The following ARHGAP32 variants were observed in gnomAD, a reference collection of about 807,000 sequenced individuals.
ARHGAP32 encodes the protein rho GTPase-activating protein 32.
A neutral mutation model predicts 186.5 loss-of-function variants in ARHGAP32; 51 were observed. The observed-to-expected ratio is 0.27, with a 90% CI of 0.22 to 0.35. ARHGAP32 has a LOEUF of 0.35. ARHGAP32 is among the 10% of genes least tolerant of loss of function. The pLI, the probability that ARHGAP32 is intolerant of heterozygous loss-of-function variation, is 1.00. For missense variants in ARHGAP32, 2,186 were observed against 2,623.5 expected, an observed-to-expected ratio of 0.83 and a Z score of 3.64; for synonymous variants, 950 against 964.3, an observed-to-expected ratio of 0.99 and a Z score of 0.27.
intron 1 of ARHGAP32, among the ~76,000 whole-genome samples, chr11:129,251,701 G>GGAT (rs1489137508): frequency 2.0e-5 from 3 of 151,924 alleles, no homozygotes; most frequent in Non-Finnish European, 4.4e-5. Flanking sequence ...CGAGGTGGGG[G>GGAT]GATCACCAGA....
At chr11:129,254,565 C>G (rs1945229226) in intron 1 of ARHGAP32, among the ~76,000 whole-genome samples, 2 of 152,138 alleles carry the variant, frequency 1.3e-5, no homozygotes, top group South Asian at 4.1e-4. Context: ...TTTAAACTGT[C>G]AATATCAAGT....
chr11:129,144,939 A>G (rs1403710083), intron 2 of ARHGAP32, among the ~76,000 whole-genome samples: 7 of 152,208 alleles, frequency 4.6e-5, no homozygotes, highest in Non-Finnish European at 1.0e-4. Flanking sequence ...TAGCATAATA[A>G]TCACAACTCC....
At chr11:129,044,512 A>G (rs981371876) in intron 10 of ARHGAP32, among the ~76,000 whole-genome samples, 9 of 152,328 alleles carry the variant, frequency 5.9e-5, no homozygotes, top group African/African-American at 1.9e-4. Flanking sequence ...TAAATGGGTT[A>G]ATGCATAAGT....
chr11:129,258,125 A>G (rs1324481087), intron 1 of ARHGAP32, among the ~76,000 whole-genome samples: 1 of 152,210 alleles, frequency 6.6e-6, no homozygotes, highest in Admixed American at 6.5e-5. Flanking sequence ...TTATATGGCA[A>G]TTTTATAGCA....
In ARHGAP32 at chr11:128,978,926, G is replaced by T; in HGVS notation, c.1977-11C>A. The T allele has an allele frequency of 6.3e-7, 1 of 1,592,774 alleles. No individual in the cohort carries two copies. Among genetic ancestry groups the T allele is most frequent in the Non-Finnish European group, 8.5e-7 (1 of 1,173,664 alleles). On this transcript the variant is annotated splice_polypyrimidine_tract_variant and intron_variant, in intron 18 of 22. Transcript: ENST00000682385. ...TTTTGAGGCCTCTTTCTATGAAAGAGAAAAAATAATCAACATTAAGATAGC... is the reference window on the plus strand; with the variant it reads ...TTTTGAGGCCTCTTTCTATGAAAGATAAAAAATAATCAACATTAAGATAGC...
intron 1 of ARHGAP32, among the ~76,000 whole-genome samples, chr11:129,239,495 C>T (rs958467968): frequency 1.3e-5 from 2 of 152,148 alleles, no homozygotes; most frequent in Non-Finnish European, 2.9e-5. Flanking sequence ...ATTTTCCAAA[C>T]TAGCATTACA....
chr11:129,140,307 CA>C (rs1943024498), intron 2 of ARHGAP32, among the ~76,000 whole-genome samples: 1 of 152,140 alleles, frequency 6.6e-6, no homozygotes, highest in African/African-American at 2.4e-5. Flanking sequence ...GAACCCAGCC[CA>C]GCCAATACTT....
chr11:129,064,945 A>C lies in ARHGAP32; in HGVS notation c.670-12T>G. 6.4e-7 allele frequency: 1 copy of C among 1,571,690 alleles called. No individual in the cohort carries two copies. The highest frequency in any genetic ancestry group is 8.6e-7 in the Non-Finnish European group (1 of 1,157,264). On this transcript the variant is annotated splice_polypyrimidine_tract_variant and intron_variant, in intron 7 of 22. Transcript: ENST00000682385. The stretch of plus-strand genomic sequence containing the variant: ...ATCTGAGTGACCGACTGAAAAGAAA[A>C]AGATCAGTGTAACTCTGAGTAAAGA...
intron 1 of ARHGAP32, among the ~76,000 whole-genome samples, chr11:129,168,599 G>A (rs1448757276): frequency 6.6e-6 from 1 of 152,050 alleles, no homozygotes; most frequent in East Asian, 1.9e-4. Flanking sequence ...CCCTCTCAAT[G>A]GCTGATAGAA....
intron 1 of ARHGAP32, among the ~76,000 whole-genome samples, chr11:129,236,257 C>T (rs1290441077): frequency 1.3e-5 from 2 of 152,036 alleles, no homozygotes; most frequent in African/African-American, 2.4e-5. Context: ...TTGATTATGG[C>T]CATTCTTGCA....
At chr11:128,999,672 T>C (rs1391349690) in intron 11 of ARHGAP32, among the ~76,000 whole-genome samples, 3 of 152,214 alleles carry the variant, frequency 2.0e-5, no homozygotes, top group Non-Finnish European at 4.4e-5. Context: ...TTTACCTTTA[T>C]TTCTTAGACC....
chr11:129,192,427 A>C (rs888708420), upstream of ARHGAP32, among the ~76,000 whole-genome samples: 5 of 152,180 alleles, frequency 3.3e-5, no homozygotes, highest in African/African-American at 1.2e-4. Context: ...CCACTGCCTT[A>C]GGCTGCGTGA....
chr11:129,111,281 C>T (rs770167959), intron 5 of ARHGAP32, among the ~76,000 whole-genome samples: 1 of 152,166 alleles, frequency 6.6e-6, no homozygotes, highest in Non-Finnish European at 1.5e-5. Context: ...TCCACATGAT[C>T]ATGGTGTCTT....
chr11:129,173,605 A>G (rs1943822727), intron 1 of ARHGAP32, among the ~76,000 whole-genome samples: 1 of 152,240 alleles, frequency 6.6e-6, no homozygotes, highest in East Asian at 1.9e-4. Flanking sequence ...GCAGCACATC[A>G]AAGAGCTTAT....
chr11:129,014,610 G>A (rs915378465), intron 11 of ARHGAP32, among the ~76,000 whole-genome samples: 4 of 152,096 alleles, frequency 2.6e-5, no homozygotes, highest in South Asian at 2.1e-4. Flanking sequence ...AATTCACAAC[G>A]TCAAGGAGAC....
At chr11:129,034,859 A>C (rs1171438200) in intron 11 of ARHGAP32, among the ~76,000 whole-genome samples, 1 of 151,758 alleles carries the variant, frequency 6.6e-6, no homozygotes, top group Non-Finnish European at 1.5e-5. Flanking sequence ...AGTAAAAAAA[A>C]AAAAAGAAAA....
intron 1 of ARHGAP32, among the ~76,000 whole-genome samples, chr11:129,184,927 C>G (rs192081415): frequency 6.6e-6 from 1 of 152,142 alleles, no homozygotes; most frequent in East Asian, 1.9e-4. Context: ...ACAAATGATC[C>G]AAAACTGATA....
At chr11:129,106,839 C>T (rs1302634580) in intron 5 of ARHGAP32, among the ~76,000 whole-genome samples, 2 of 151,894 alleles carry the variant, frequency 1.3e-5, no homozygotes, top group Admixed American at 6.6e-5. Flanking sequence ...TTTAAAAAAC[C>T]TATGAGACCC....
chr11:129,272,033 G>T (rs1945479897), intron 1 of ARHGAP32, among the ~76,000 whole-genome samples: 2 of 152,178 alleles, frequency 1.3e-5, no homozygotes, highest in Non-Finnish European at 2.9e-5. Context: ...TAATTCATAT[G>T]ATGAGCTCAA....
Sources: gnomAD v4.1 joint callset for allele counts (sites outside exome capture counted in the v4.1 genomes callset) on GRCh38, gnomAD v4.1.1 for gene constraint, MANE v1.5 for transcripts, NCBI Gene and HGNC (gene_info 2026-07-23, HGNC 2026-07-21) for gene names.